Variants in CLPX observed in about 807,000 individuals in gnomAD.
CLPX encodes caseinolytic mitochondrial matrix peptidase chaperone subunit X.
Under a neutral mutation model 76.4 loss-of-function variants are expected in CLPX, and 34 were observed. That is an observed-to-expected ratio of 0.45 (90% CI 0.34 to 0.59). The LOEUF is 0.59. Ranked by LOEUF, CLPX falls within the 20% of genes least tolerant of loss-of-function variation. CLPX has a pLI of 0.01. For synonymous variants in CLPX, 248 were observed against 270.9 expected (o/e 0.92, Z 0.83); for missense variants, 613 against 757.0 (o/e 0.81, Z 2.23).
intron 4 of CLPX, 27 bp downstream of exon 4, chr15:65,166,604 T>C (rs772497854): frequency 6.2e-7 from 1 of 1,609,662 alleles, no homozygotes; most frequent in East Asian, 2.2e-5. Context: ...GATAAAATAC[T>C]TGTAAGACTG....
At position 65,152,512 on chromosome 15, in the gene CLPX, A is replaced by G; in HGVS notation, c.1729T>C (p.Phe577Leu). The G allele has an allele frequency of 6.5e-7, 1 of 1,536,092 alleles. No individual in the cohort carries two copies. Among genetic ancestry groups the G allele is most frequent in the Non-Finnish European group, 8.8e-7 (1 of 1,142,000 alleles). ...IMEKLLLEPM[F>L]EVPNSDIVCV... Reference sequence around the variant, plus strand: ...ACGATATCAGAATTAGGGACTTCAAACATTGGTTCTAGTAACAGCTTTTCC... The same window carrying G: ...ACGATATCAGAATTAGGGACTTCAAGCATTGGTTCTAGTAACAGCTTTTCC... The change falls in exon 13 of 14, where the codon TTT becomes CTT. Residue 577 changes from phenylalanine to leucine, a missense_variant. Physicochemically the swap from Phe to Leu is conservative, Grantham distance 22 (BLOSUM62 0). Transcript: ENST00000300107.
intron 3 of CLPX, among the ~76,000 whole-genome samples, chr15:65,176,034 TC>T (rs2088087270): frequency 6.6e-6 from 1 of 152,244 alleles, no homozygotes; most frequent in Admixed American, 6.5e-5. Context: ...GCTCTTTTTT[TC>T]ATTCTTTCCT....
Position 65,155,738 on chromosome 15 carries a change from G to C in CLPX, c.1265C>G (p.Ala422Gly). Residue 422 changes from alanine to glycine, a missense_variant, in exon 10 of 14, where the codon GCT (alanine) becomes GGT (glycine). Ala to Gly is a moderately conservative substitution (Grantham distance 60). Around this residue, in one of 2 missense-constraint regions of CLPX, gnomAD observed 450 missense variants for 638.6 expected, o/e 0.70. Transcript: ENST00000300107. The part of the protein sequence containing the change: ...TTNILFVASG[A>G]FNGLDRIISR... ...GATGATTCTGTCTAAACCATTGAAA[G>C]CACCAGATGCCACAAACAGGATGTT... is the stretch of plus-strand genomic sequence containing the variant. 1.2e-6 allele frequency: 2 copies of C among 1,613,952 alleles called. No homozygotes were observed. Among genetic ancestry groups the C allele is most frequent in the Non-Finnish European group, 1.7e-6 (2 of 1,179,946 alleles).
chr15:65,168,644 T>C (rs1468828044), intron 3 of CLPX, among the ~76,000 whole-genome samples: 1 of 150,308 alleles, frequency 6.7e-6, no homozygotes, highest in Non-Finnish European at 1.5e-5. Context: ...ATATACCTAA[T>C]GTAAATGATG....
chr15:65,149,654 G>A lies in CLPX; in HGVS notation c.*1169C>T. 4.9e-6 allele frequency: 2 copies of A among 410,100 alleles called. No individual in the cohort carries two copies. Among genetic ancestry groups the A allele is most frequent in the Non-Finnish European group, 9.5e-6 (2 of 210,808 alleles). The allele number at this position is 410,100 out of a possible 1,614,324, so 25.4% of individuals were successfully genotyped here. On this transcript the variant is annotated 3_prime_UTR_variant, in exon 14 of 14. Coordinates refer to ENST00000300107, the MANE Select transcript of CLPX (RefSeq NM_006660.5). ...AGGCCAGCAGATCACAAGGTCAGGA[G>A]TTACAGACTAGCCTGGCCAACAGGG...
chr15:65,151,815 G>A (rs1313531066), intron 13 of CLPX, among the ~76,000 whole-genome samples: 2 of 152,164 alleles, frequency 1.3e-5, no homozygotes, highest in African/African-American at 4.8e-5. Flanking sequence ...GAGTTAAACA[G>A]AAACCTAGCT....
intron 3 of CLPX, among the ~76,000 whole-genome samples, chr15:65,172,918 G>A (rs960579484): frequency 6.6e-5 from 10 of 152,108 alleles, no homozygotes; most frequent in African/African-American, 2.4e-4. Context: ...AGGATGCTGA[G>A]GTGGGAGGAC....
rs1464942202 is a variant in CLPX, at chr15:65,180,738, C to A, written c.80-534G>T. On this transcript the variant is annotated intron_variant, in intron 1 of 13. Coordinates refer to ENST00000300107, the MANE Select transcript of CLPX (RefSeq NM_006660.5). Reference sequence around the variant, plus strand: ...CCAACATGGTGAAACCCCGTCTCTACTAAAAATAAAAAAAAATTGGCCACG... The same window carrying A: ...CCAACATGGTGAAACCCCGTCTCTAATAAAAATAAAAAAAAATTGGCCACG... 2.6e-5 allele frequency among the ~76,000 whole-genome samples: 4 copies of A among 151,562 alleles called. No individual in the cohort carries two copies. The East Asian group carries it at 7.7e-4, about 29-fold the overall frequency.
chr15:65,170,822 CTTT>C (rs749248279), intron 3 of CLPX, among the ~76,000 whole-genome samples: 4 of 118,572 alleles, frequency 3.4e-5, no homozygotes, highest in East Asian at 2.7e-4. Context: ...TTCTGTTCTT[CTTT>C]TTTTTTTTTT....
intron 3 of CLPX, among the ~76,000 whole-genome samples, chr15:65,178,536 A>G (rs1351296416): frequency 6.6e-6 from 1 of 152,050 alleles, no homozygotes; most frequent in Non-Finnish European, 1.5e-5. Context: ...CATATAATCC[A>G]TATTTCTACA....
At chr15:65,155,169 GTAA>G in intron 10 of CLPX, 88 bp from the exon 11 acceptor site, 1 of 1,112,902 alleles carries the variant, frequency 9.0e-7, no homozygotes, top group East Asian at 2.5e-5. Flanking sequence ...TATGATCTTT[GTAA>G]CAACTCTATG....
At chr15:65,160,820 G>C (rs1257340397) in intron 6 of CLPX, among the ~76,000 whole-genome samples, 2 of 152,096 alleles carry the variant, frequency 1.3e-5, no homozygotes, top group African/African-American at 4.8e-5. Context: ...ATATGCCTTA[G>C]AACAAACTTG....
chr15:65,174,459 T>C (rs913732741), intron 3 of CLPX, among the ~76,000 whole-genome samples: 7 of 151,048 alleles, frequency 4.6e-5, no homozygotes, highest in African/African-American at 1.7e-4. Flanking sequence ...GAGATGGGGT[T>C]TCACCATGTT....
In CLPX at chr15:65,185,223, G is replaced by T. The variant is rs2088243637; in HGVS notation, c.-70C>A. ...GGTCACAGCGGCGTGAATCCTGCCCGCAAGGCGCGCTGACTCGGTTCCGAA... is the reference window on the plus strand; with the variant it reads ...GGTCACAGCGGCGTGAATCCTGCCCTCAAGGCGCGCTGACTCGGTTCCGAA... On this transcript the variant is annotated 5_prime_UTR_variant, in exon 1 of 14. Transcript: ENST00000300107. 4 of 1,321,610 alleles carry T rather than the reference G, an allele frequency of 3.0e-6. No homozygotes were observed. The highest frequency in any genetic ancestry group is 2.5e-5 in the East Asian group (1 of 39,806). 81.9% of individuals were successfully genotyped at this position (1,321,610 alleles called of 1,614,324 possible). A position where few individuals can be genotyped will look rare whatever the true frequency, so the allele number is the denominator to read the frequency against.
chr15:65,163,859 A>T (rs376091829), intron 5 of CLPX, among the ~76,000 whole-genome samples, 170 bp downstream of exon 5: 34 of 152,300 alleles, frequency 2.2e-4, no homozygotes, highest in African/African-American at 5.3e-4. Context: ...TCAAATTTTT[A>T]AAAAATGCTG....
intron 13 of CLPX, among the ~76,000 whole-genome samples, chr15:65,152,206 G>C (rs528040637): frequency 1.3e-5 from 2 of 152,260 alleles, no homozygotes; most frequent in East Asian, 3.9e-4. Context: ...GGGATTACAG[G>C]TGTGAGCCAC....
rs373159447 is a variant in CLPX at position 65,157,777 on chromosome 15, A to C, written c.1026T>G (p.Asp342Glu). The stretch of plus-strand genomic sequence containing the variant: ...GTGCTTTTTCCACATTATAATTGGC[A>C]TCTTGGAGTAGTTTTGCAATCACAG... ...IESVIAKLLQ[D>E]ANYNVEKAQQ... is the part of the protein sequence containing the mutation. The change falls in exon 8 of 14, where the codon GAT becomes GAG. Residue 342 changes from aspartate to glutamate, a missense_variant. Asp to Glu is a conservative substitution (Grantham distance 45). Around this residue, in one of 2 missense-constraint regions of CLPX, gnomAD observed 450 missense variants for 638.6 expected, o/e 0.70. Transcript: ENST00000300107. The C allele has an allele frequency of 6.2e-7, 1 of 1,613,614 alleles. No homozygotes were observed. Among genetic ancestry groups the C allele is most frequent in the Non-Finnish European group, 8.5e-7 (1 of 1,179,898 alleles).
At chr15:65,177,662 T>C (rs2088106934) in intron 3 of CLPX, among the ~76,000 whole-genome samples, 1 of 152,232 alleles carries the variant, frequency 6.6e-6, no homozygotes, top group South Asian at 2.1e-4. Context: ...GGTGGTACAA[T>C]TCATTACCAT....
chr15:65,173,767 CTG>C (rs2088046735), intron 3 of CLPX, among the ~76,000 whole-genome samples: 3 of 152,126 alleles, frequency 2.0e-5, no homozygotes, highest in East Asian at 3.8e-4. Context: ...GAAAATAAGG[CTG>C]GTATGAAATG....
Sources: allele counts gnomAD v4.1 joint callset (sites outside exome capture counted in the v4.1 genomes callset), GRCh38; gene constraint gnomAD v4.1.1; regional missense constraint gnomAD v4.1.1; transcripts MANE v1.5; gene names NCBI Gene and HGNC (gene_info 2026-07-23, HGNC 2026-07-21).